The following UPF2 variants were observed in gnomAD, a reference collection of about 807,000 sequenced individuals.
UPF2 encodes the protein regulator of nonsense transcripts 2.
UPF2 carries 17 observed loss-of-function variants against 141.4 expected under a neutral mutation model. That is an observed-to-expected ratio of 0.12 (90% CI 0.08 to 0.18). The LOEUF (loss-of-function observed/expected upper bound fraction) is 0.18. Among genes scored for constraint, UPF2 ranks in the 10% least tolerant of loss-of-function variants. The pLI is 1.00. For missense variants in UPF2, 1,152 were observed against 1,515.9 expected (o/e 0.76, Z 3.99); for synonymous variants, 540 against 498.0 (o/e 1.08, Z -1.12).
chr10:11,955,994 A>G (rs958562704), intron 13 of UPF2, among the ~76,000 whole-genome samples: 1 of 152,122 alleles, frequency 6.6e-6, no homozygotes, highest in Admixed American at 6.5e-5. Flanking sequence ...ATACAAAAAA[A>G]TTAGCTAGGC....
At chr10:11,993,162 A>AG (rs1833809347) in intron 8 of UPF2, among the ~76,000 whole-genome samples, 1 of 151,612 alleles carries the variant, frequency 6.6e-6, no homozygotes, top group Admixed American at 6.6e-5. Flanking sequence ...AAAAAAAAAA[A>AG]AAAAAAAAAA....
rs73571338 is a variant in UPF2 at position 11,943,007 on chromosome 10, C to T, written c.3279+57G>A. 4.8e-4 allele frequency: 614 copies of T among 1,283,756 alleles called. 3 individuals are homozygous for T. In the African/African-American group the frequency reaches 8.0e-3, roughly 17 times the overall value. The allele number at this position is 1,283,756 out of a possible 1,614,324, so 79.5% of individuals were successfully genotyped here. A position where few individuals can be genotyped will look rare whatever the true frequency, so the allele number is the denominator to read the frequency against. ...CAAATTCAGTTTCGTGACTAAAATT[C>T]AAATACTATAAAAATGCTGCACAAT... On this transcript the variant is annotated intron_variant, in intron 17 of 21. Transcript: ENST00000357604.
At chr10:11,999,111 G>A (rs984485906) in intron 7 of UPF2, among the ~76,000 whole-genome samples, 1 of 151,862 alleles carries the variant, frequency 6.6e-6, no homozygotes, top group Non-Finnish European at 1.5e-5. Flanking sequence ...GCAAATGCAT[G>A]GTGAAAATAT....
At chr10:11,978,885 TTCAAGCTTCG>T (rs1833549827) in intron 9 of UPF2, among the ~76,000 whole-genome samples, 162 bp downstream of exon 9, 1 of 152,200 alleles carries the variant, frequency 6.6e-6, no homozygotes, top group Non-Finnish European at 1.5e-5. Flanking sequence ...ACTGATCAAT[TTCAAGCTTCG>T]TTAAGTAAAT....
chr10:11,921,252 CACA>C lies in UPF2; in HGVS notation c.*43_*45del. ...TCAATTGCTGGAGGACTCCACTAACCACAACATCAGATACAGGACCTAATGAAA... is the reference window on the plus strand; with the variant it reads ...TCAATTGCTGGAGGACTCCACTAACCACATCAGATACAGGACCTAATGAAA... On this transcript the variant is annotated 3_prime_UTR_variant, in exon 22 of 22. Transcript: ENST00000357604. This position sits in a 1 kb window ranked among gnomAD's most constrained non-coding sequence, Gnocchi z 5.9. 6.2e-7 allele frequency: 1 copy of C among 1,613,962 alleles called. No individual in the cohort carries two copies. The highest frequency in any genetic ancestry group is 8.5e-7 in the Non-Finnish European group (1 of 1,179,884).
chr10:11,975,125 T>C (rs12220136), intron 9 of UPF2, among the ~76,000 whole-genome samples: 32,245 of 152,174 alleles, frequency 0.21, 3,790 homozygotes, highest in East Asian at 0.46. Context: ...GTCAGGCGTG[T>C]TGGCATGCGC....
intron 9 of UPF2, among the ~76,000 whole-genome samples, chr10:11,973,717 G>A (rs2131218264): frequency 6.6e-6 from 1 of 152,196 alleles, no homozygotes; most frequent in East Asian, 1.9e-4. Flanking sequence ...TTATTTCTGA[G>A]GGCTCTGTTC....
In UPF2 at chr10:11,965,705, C is replaced by T. The variant is rs980608166; in HGVS notation, c.2068-1580G>A. Among the ~76,000 whole-genome samples, 6 of 152,020 alleles carry T rather than the reference C, an allele frequency of 3.9e-5. No homozygotes were observed. In the East Asian group the frequency reaches 5.8e-4, roughly 15 times the overall value. ...CGATCTCCTGACCTCATGATCTGCC[C>T]GCCTCGGCCTCCCAAAGTGCTGGGA... On this transcript the variant is annotated intron_variant, in intron 10 of 21. Transcript: ENST00000357604.
In UPF2 at chr10:12,026,720, G is replaced by A. The variant is rs149798037; in HGVS notation, c.1145+2025C>T. The A allele has an allele frequency of 9.7e-4, 423 of 437,000 alleles. 3 individuals are homozygous for A. The highest frequency in any genetic ancestry group is 7.0e-3 in the African/African-American group (329 of 47,266). The allele number at this position is 437,000 out of a possible 1,614,324, so 27.1% of individuals were successfully genotyped here. Reference sequence around the variant, plus strand: ...GGCTGGAGTGCAATGGCACAATCTCGGCTCACTGCAACCTCCACCTCCCAG... The same window carrying A: ...GGCTGGAGTGCAATGGCACAATCTCAGCTCACTGCAACCTCCACCTCCCAG... On this transcript the variant is annotated intron_variant, in intron 3 of 21. Coordinates refer to ENST00000357604, the MANE Select transcript of UPF2 (RefSeq NM_015542.4).
chr10:11,980,024 G>T lies in UPF2; in HGVS notation c.1845-859C>A, dbSNP rs530335142. Among the ~76,000 whole-genome samples, 1 of 152,300 alleles carries T rather than the reference G, an allele frequency of 6.6e-6. No individual in the cohort carries two copies. The highest frequency in any genetic ancestry group is 2.4e-5 in the African/African-American group (1 of 41,558). On this transcript the variant is annotated intron_variant, in intron 8 of 21. Transcript: ENST00000357604. The surrounding 1 kb of genome is among the most constrained non-coding windows in gnomAD (Gnocchi z 4.2). ...TTCAACTCATTACAGAACCCACTCA[G>T]ATCTTCATTCAGGATCTTAATTTGG...
At chr10:11,945,720 A>T (rs1369275259) in intron 16 of UPF2, among the ~76,000 whole-genome samples, 3 of 152,238 alleles carry the variant, frequency 2.0e-5, no homozygotes, top group Non-Finnish European at 2.9e-5. Context: ...GAAACATATC[A>T]GAACTCTTCA....
chr10:12,024,760 C>A (rs951779739), intron 3 of UPF2, among the ~76,000 whole-genome samples: 2 of 151,262 alleles, frequency 1.3e-5, no homozygotes, highest in Non-Finnish European at 2.9e-5. Context: ...TAGGGAGCTC[C>A]CTCTCTATAA....
intron 9 of UPF2, 92 bp from the exon 10 acceptor site, chr10:11,967,546 G>GTTTTT (rs755905255): frequency 1.4e-3 from 344 of 242,784 alleles, no homozygotes; most frequent in South Asian, 4.3e-3. Flanking sequence ...ATTCACTCCA[G>GTTTTT]TTTTTTTTTT....
chr10:11,994,975 CAAAAAAAAAAAAAA>C lies in UPF2; in HGVS notation c.1844+2683_1844+2696del, dbSNP rs60922532. ...TGGGCAACAGAGTGAGACTCCATCT[CAAAAAAAAAAAAAA>C]AAAAAAAAAAAAAAAGAGTGATAGT... On this transcript the variant is annotated intron_variant, in intron 8 of 21. Coordinates refer to ENST00000357604, the MANE Select transcript of UPF2 (RefSeq NM_015542.4). 9.7e-4 allele frequency among the ~76,000 whole-genome samples: 50 copies of C among 51,360 alleles called. 1 individual carries two copies. The highest frequency in any genetic ancestry group is 1.7e-3 in the African/African-American group (16 of 9,608). 33.7% of individuals were successfully genotyped at this position (51,360 alleles called of 152,430 possible).
intron 15 of UPF2, among the ~76,000 whole-genome samples, chr10:11,951,369 T>A (rs1653636434): frequency 6.6e-6 from 1 of 152,168 alleles, no homozygotes; most frequent in Non-Finnish European, 1.5e-5. Context: ...GGCCAAAACG[T>A]GTCACTTTAA....
intron 16 of UPF2, among the ~76,000 whole-genome samples, chr10:11,947,409 A>G (rs944748140): frequency 6.6e-6 from 1 of 152,208 alleles, no homozygotes; most frequent in African/African-American, 2.4e-5. Flanking sequence ...AGCAAAGCTC[A>G]TTAATATCTA....
intron 1 of UPF2, among the ~76,000 whole-genome samples, chr10:12,038,919 G>A (rs577167558): frequency 3.9e-5 from 6 of 151,992 alleles, no homozygotes; most frequent in East Asian, 1.9e-4. Context: ...CTCCCGCCTC[G>A]GCCTTCCAAA....
intron 21 of UPF2, among the ~76,000 whole-genome samples, chr10:11,924,934 TCA>T (rs1832692766): frequency 6.6e-6 from 1 of 152,136 alleles, no homozygotes. Context: ...TTCTCCTGCC[TCA>T]GACTCCCGAG....
chr10:12,042,859 T>C (rs1338683899), upstream of UPF2: 1 of 151,922 alleles, frequency 6.6e-6, no homozygotes, highest in African/African-American at 2.4e-5. The surrounding 1 kb of genome is among the most constrained non-coding windows in gnomAD (Gnocchi z 5.5). Context: ...AGGGCCCGCC[T>C]TCCCTCAGCT....
Sources: gnomAD v4.1 joint callset for allele counts (sites outside exome capture counted in the v4.1 genomes callset) on GRCh38, gnomAD v4.1.1 for gene constraint, Gnocchi (gnomAD v3.1) non-coding constraint, MANE v1.5 for transcripts, NCBI Gene and HGNC (gene_info 2026-07-23, HGNC 2026-07-21) for gene names.